SLC38A6: variants seen among roughly 807,000 people sequenced by gnomAD.
SLC38A6 encodes solute carrier family 38 member 6, also known as N system amino acid transporter NAT-1.
SLC38A6 carries 73 observed loss-of-function variants against 65.0 expected under a neutral mutation model. The observed-to-expected ratio is 1.12, with a 90% CI of 0.93 to 1.37. The LOEUF is 1.37. Among genes scored for constraint, SLC38A6 ranks in the 40% most tolerant of loss-of-function variants. The pLI, the probability that SLC38A6 is intolerant of heterozygous loss-of-function variation, is 0.00. For missense variants in SLC38A6, 561 were observed against 531.1 expected, an observed-to-expected ratio of 1.06 and a Z score of -0.55; for synonymous variants, 183 against 178.8, an observed-to-expected ratio of 1.02 and a Z score of -0.19.
At chr14:60,998,926 G>A (rs1470850860) in intron 3 of SLC38A6, among the ~76,000 whole-genome samples, 1 of 152,232 alleles carries the variant, frequency 6.6e-6, no homozygotes, top group Non-Finnish European at 1.5e-5. Context: ...GAGGGTGAGG[G>A]TCAGTAAATG....
intron 3 of SLC38A6, among the ~76,000 whole-genome samples, chr14:61,012,813 C>T (rs958325698): frequency 3.9e-5 from 6 of 152,078 alleles, no homozygotes; most frequent in Non-Finnish European, 8.8e-5. Context: ...ACTATGTGGT[C>T]AGTTTTGGAA....
intron 15 of SLC38A6, among the ~76,000 whole-genome samples, chr14:61,069,196 A>T (rs562870369): frequency 6.6e-6 from 1 of 152,280 alleles, no homozygotes; most frequent in African/African-American, 2.4e-5. Context: ...CTGGATTGCC[A>T]TATCTACCTG....
At chr14:61,043,032 A>G in intron 8 of SLC38A6, 115 bp from the exon 9 acceptor site, 1 of 654,296 alleles carries the variant, frequency 1.5e-6, no homozygotes, top group Admixed American at 3.6e-5. Flanking sequence ...TCACAGAAGC[A>G]GAGACTCTTC....
At chr14:61,015,552 G>A (rs1044903881) in intron 3 of SLC38A6, among the ~76,000 whole-genome samples, 7 of 152,002 alleles carry the variant, frequency 4.6e-5, no homozygotes, top group Non-Finnish European at 5.9e-5. Context: ...AAGAATCCTT[G>A]GTGATTTTCT....
At position 61,007,190 on chromosome 14, in the gene SLC38A6, A is replaced by G. The variant is rs567414197; in HGVS notation, c.311-8714A>G. On this transcript the variant is annotated intron_variant, in intron 3 of 15. Transcript: ENST00000267488. ...GACTGTTGTGGGGTGGGAGGAAGGG[A>G]GAGGGATAGCATTAGGAGATATACC... Among the ~76,000 whole-genome samples, 1,300 of 152,104 alleles carry G rather than the reference A, an allele frequency of 8.5e-3. 23 individuals are homozygous for G. The highest frequency in any genetic ancestry group is 0.03 in the African/African-American group (1,225 of 41,506).
intron 15 of SLC38A6, among the ~76,000 whole-genome samples, chr14:61,068,334 G>T (rs1390337615): frequency 6.6e-6 from 1 of 152,110 alleles, no homozygotes; most frequent in Non-Finnish European, 1.5e-5. Flanking sequence ...ATTCAAATCA[G>T]ATTATATTGC....
intron 13 of SLC38A6, 113 bp downstream of exon 13, chr14:61,050,749 C>G (rs1185355834): frequency 3.6e-5 from 36 of 1,006,728 alleles, no homozygotes; most frequent in Non-Finnish European, 4.7e-5. Flanking sequence ...ATATCTTATT[C>G]ACTTGTCAAG....
chr14:61,068,618 G>A (rs2043110787), intron 15 of SLC38A6, among the ~76,000 whole-genome samples: 1 of 152,106 alleles, frequency 6.6e-6, no homozygotes, highest in African/African-American at 2.4e-5. Context: ...CCTCAGAGAG[G>A]TCTGCCCTGC....
chr14:61,014,999 C>A (rs551047295), intron 3 of SLC38A6, among the ~76,000 whole-genome samples: 42 of 152,330 alleles, frequency 2.8e-4, no homozygotes, highest in South Asian at 1.7e-3. Context: ...TACAGAGGCA[C>A]GCAGGGCTCC....
intron 8 of SLC38A6, 85 bp from the exon 9 acceptor site, chr14:61,043,062 T>C: frequency 1.2e-6 from 1 of 841,568 alleles, no homozygotes; most frequent in South Asian, 1.7e-5. Flanking sequence ...CTTATTTAAT[T>C]GAAATGATAC....
intron 12 of SLC38A6, 126 bp from the exon 13 acceptor site, chr14:61,050,386 G>C (rs2042437709): frequency 1.9e-6 from 1 of 524,446 alleles, no homozygotes; most frequent in Non-Finnish European, 3.0e-6. Context: ...ATAGGCTAGG[G>C]GAAAGGCCAG....
chr14:61,065,464 A>T (rs980657327), intron 15 of SLC38A6, among the ~76,000 whole-genome samples: 1 of 152,192 alleles, frequency 6.6e-6, no homozygotes, highest in Non-Finnish European at 1.5e-5. Context: ...TCCTTTTTAA[A>T]ACATTTTCAT....
chr14:61,001,342 G>C (rs1026584589), intron 3 of SLC38A6, among the ~76,000 whole-genome samples: 2 of 152,220 alleles, frequency 1.3e-5, no homozygotes, highest in African/African-American at 4.8e-5. Context: ...TGCTCCCCTT[G>C]TGTAGTGATT....
intron 12 of SLC38A6, chr14:61,048,419 A>G (rs993829051): frequency 3.9e-6 from 1 of 253,172 alleles, no homozygotes; most frequent in Non-Finnish European, 7.8e-6. Flanking sequence ...AATGGCATAT[A>G]TAACTTGCAG....
At position 61,051,862 on chromosome 14, in the gene SLC38A6, G is replaced by A; in HGVS notation, c.1126G>A (p.Ala376Thr). 2.5e-6 allele frequency: 4 copies of A among 1,612,230 alleles called. No individual in the cohort carries two copies. Among genetic ancestry groups the A allele is most frequent in the Non-Finnish European group, 3.4e-6 (4 of 1,179,272 alleles). ...GATTCGCCATTTTTTGATCACTCTA[G>A]CACTCAATATTATCATCGTTTTACT... ...SWIRHFLITL[A>T]LNIIIVLLAI... Residue 376 changes from alanine (A) to threonine (T), a missense_variant, in exon 14 of 16, where the codon GCA becomes ACA. Coordinates refer to ENST00000267488, the MANE Select transcript of SLC38A6 (RefSeq NM_153811.3).
At position 61,067,612 on chromosome 14, in the gene SLC38A6, C is replaced by T. The variant is rs1238031596; in HGVS notation, c.1291-11198C>T. 2.6e-5 allele frequency among the ~76,000 whole-genome samples: 4 copies of T among 152,230 alleles called. No homozygotes were observed. The East Asian group carries it at 7.7e-4, about 29-fold the overall frequency. On this transcript the variant is annotated intron_variant, in intron 15 of 16. Coordinates refer to the SLC38A6 transcript ENST00000354886. ...ATAAAGTATGTGGTCAGAAAAGCTG[C>T]AGGCCTTTTTTAGGTAAATTACCCT...
chr14:61,015,190 G>A (rs2039911063), intron 3 of SLC38A6, among the ~76,000 whole-genome samples: 1 of 152,230 alleles, frequency 6.6e-6, no homozygotes, highest in Non-Finnish European at 1.5e-5. Flanking sequence ...CCAGGTGCGG[G>A]ATATAATCTC....
At chr14:61,075,543 T>C (rs138314686) in intron 15 of SLC38A6, among the ~76,000 whole-genome samples, 1 of 152,354 alleles carries the variant, frequency 6.6e-6, no homozygotes, top group East Asian at 1.9e-4. Flanking sequence ...ATTGGCAATA[T>C]ATTGTCATTT....
chr14:60,996,853 C>T (rs1439103697), intron 3 of SLC38A6, among the ~76,000 whole-genome samples: 1 of 152,088 alleles, frequency 6.6e-6, no homozygotes, highest in East Asian at 1.9e-4. Context: ...TTCAAAATTC[C>T]TGGGGGGAAA....
Sources: gnomAD v4.1 joint callset for allele counts (sites outside exome capture counted in the v4.1 genomes callset) on GRCh38, gnomAD v4.1.1 for gene constraint, MANE v1.5 for transcripts, NCBI Gene and HGNC (gene_info 2026-07-23, HGNC 2026-07-21) for gene names.